PBX3: variants seen among roughly 807,000 people sequenced by gnomAD.
The protein encoded by PBX3 is pre-B-cell leukemia transcription factor 3.
Under a neutral mutation model 48.5 loss-of-function variants are expected in PBX3, and 14 were observed. The observed-to-expected ratio is 0.29, with a 90% CI of 0.19 to 0.45. The LOEUF is 0.45. Among genes scored for constraint, PBX3 ranks in the 20% least tolerant of loss-of-function variants. PBX3 has a pLI of 1.00. For synonymous variants in PBX3, 210 were observed against 200.3 expected, an observed-to-expected ratio of 1.05 and a Z score of -0.41; for missense variants, 386 against 546.7, an observed-to-expected ratio of 0.71 and a Z score of 2.93.
At chr9:125,909,894 CCTT>C (rs944482842) in intron 2 of PBX3, among the ~76,000 whole-genome samples, 2 of 152,084 alleles carry the variant, frequency 1.3e-5, no homozygotes, top group Non-Finnish European at 2.9e-5. Context: ...TAGCTGCCTG[CCTT>C]CTTGAGTGAG....
At chr9:125,748,287 G>A (rs1036578183) in intron 1 of PBX3, 1 of 1,085,662 alleles carries the variant, frequency 9.2e-7, no homozygotes, top group Non-Finnish European at 1.1e-6. Context: ...GGCTCCCCGC[G>A]CGGGTTCGCG....
intron 2 of PBX3, among the ~76,000 whole-genome samples, chr9:125,801,002 C>T (rs932796222): frequency 1.3e-5 from 2 of 152,114 alleles, no homozygotes; most frequent in Admixed American, 6.5e-5. Flanking sequence ...ATCCTCCCTC[C>T]TTGGCCCCCC....
At chr9:125,883,997 A>G (rs931049320) in intron 2 of PBX3, among the ~76,000 whole-genome samples, 3 of 152,320 alleles carry the variant, frequency 2.0e-5, no homozygotes, top group African/African-American at 4.8e-5. Context: ...GGCAGCTTTC[A>G]TAAGACATTT....
intron 2 of PBX3, among the ~76,000 whole-genome samples, chr9:125,840,439 C>A (rs936675998): frequency 2.0e-5 from 3 of 151,228 alleles, no homozygotes; most frequent in Non-Finnish European, 4.4e-5. Context: ...TTTTTTCTGG[C>A]CTTTTCTGCT....
chr9:125,856,474 T>C (rs1839726555), intron 2 of PBX3, among the ~76,000 whole-genome samples: 2 of 152,326 alleles, frequency 1.3e-5, no homozygotes, highest in South Asian at 2.1e-4. Flanking sequence ...GGACTGGCCT[T>C]GCATCTGTAT....
At chr9:125,812,198 T>G (rs572795818) in intron 2 of PBX3, among the ~76,000 whole-genome samples, 1 of 152,288 alleles carries the variant, frequency 6.6e-6, no homozygotes, top group Non-Finnish European at 1.5e-5. Context: ...TTTAACAGCC[T>G]AAACATACCA....
At chr9:125,901,354 A>G (rs1482697198) in intron 2 of PBX3, among the ~76,000 whole-genome samples, 3 of 151,736 alleles carry the variant, frequency 2.0e-5, no homozygotes, top group African/African-American at 7.3e-5. Context: ...CTGAATGAGT[A>G]TAGGTATTTT....
At chr9:125,899,432 T>TACAA in intron 2 of PBX3, among the ~76,000 whole-genome samples, 1 of 114,976 alleles carries the variant, frequency 8.7e-6, no homozygotes, top group African/African-American at 3.5e-5. Flanking sequence ...TATGTCTATA[T>TACAA]ATATGTGTGT....
At chr9:125,764,502 G>A (rs1385378842) in intron 2 of PBX3, among the ~76,000 whole-genome samples, 3 of 152,156 alleles carry the variant, frequency 2.0e-5, no homozygotes, top group Non-Finnish European at 2.9e-5. Context: ...CTAGTAGCTG[G>A]TTCATATTTT....
intron 2 of PBX3, among the ~76,000 whole-genome samples, chr9:125,864,132 A>T (rs181466801): frequency 3.5e-4 from 53 of 152,362 alleles, no homozygotes; most frequent in African/African-American, 1.3e-3. Flanking sequence ...GAGCATTTAA[A>T]ATGATGATAT....
intron 2 of PBX3, among the ~76,000 whole-genome samples, chr9:125,847,766 G>C (rs548665720): frequency 6.6e-6 from 1 of 150,636 alleles, no homozygotes; most frequent in South Asian, 2.1e-4. Flanking sequence ...ATATGGTCTA[G>C]GGACTGAATC....
In PBX3 at chr9:125,962,947, C is replaced by G. The variant is rs938796204; in HGVS notation, c.1123-65C>G. 3.7e-6 allele frequency: 3 copies of G among 812,340 alleles called. No homozygotes were observed. The African/African-American group carries it at 5.1e-5, about 14-fold the overall frequency. The allele number at this position is 812,340 out of a possible 1,614,324, so 50.3% of individuals were successfully genotyped here. ...GTGGCACACATAATTCAAATTATTTCCTTTTGTAAGTGATGACGTTTTAAT... is the reference window on the plus strand; with the variant it reads ...GTGGCACACATAATTCAAATTATTTGCTTTTGTAAGTGATGACGTTTTAAT... On this transcript the variant is annotated intron_variant, in intron 7 of 8. Transcript: ENST00000373489.
intron 2 of PBX3, among the ~76,000 whole-genome samples, chr9:125,910,071 G>T (rs72752649): frequency 3.3e-5 from 5 of 152,226 alleles, no homozygotes; most frequent in African/African-American, 1.2e-4. Flanking sequence ...GCATTATGGG[G>T]AATCTTTCTA....
Position 125,872,255 on chromosome 9 carries a change from CAT to C in PBX3, c.275-43430_275-43429del, listed in dbSNP as rs1840142498. Among the ~76,000 whole-genome samples, 3 of 152,132 alleles carry C rather than the reference CAT, an allele frequency of 2.0e-5. No individual in the cohort carries two copies. The South Asian group carries it at 6.2e-4, about 32-fold the overall frequency. Reference sequence around the variant, plus strand: ...AATCTACATATATCTTACCACAGCACATGTTAAAGGATTTTAAAAGATTGCAA... The same window carrying C: ...AATCTACATATATCTTACCACAGCACGTTAAAGGATTTTAAAAGATTGCAA... On this transcript the variant is annotated intron_variant, in intron 2 of 8. Coordinates refer to ENST00000373489, the MANE Select transcript of PBX3 (RefSeq NM_006195.6).
chr9:125,910,225 A>G (rs1051540239), intron 2 of PBX3, among the ~76,000 whole-genome samples: 11 of 152,142 alleles, frequency 7.2e-5, no homozygotes, highest in Non-Finnish European at 1.2e-4. Context: ...AATCATTTTT[A>G]TTCCTCTGAT....
At chr9:125,924,597 T>A (rs1255597987) in intron 3 of PBX3, among the ~76,000 whole-genome samples, 5 of 152,258 alleles carry the variant, frequency 3.3e-5, no homozygotes, top group Non-Finnish European at 7.3e-5. Context: ...CTTGTACCTA[T>A]GTGTGCTTTT....
At chr9:125,840,706 C>T (rs1839266418) in intron 2 of PBX3, among the ~76,000 whole-genome samples, 1 of 151,834 alleles carries the variant, frequency 6.6e-6, no homozygotes, top group South Asian at 2.1e-4. Context: ...TGCTATATGT[C>T]TTTTGGGAAG....
chr9:125,799,366 G>A (rs1837873585), intron 2 of PBX3, among the ~76,000 whole-genome samples: 1 of 152,132 alleles, frequency 6.6e-6, no homozygotes, highest in Admixed American at 6.6e-5. Context: ...TTATCTGGGT[G>A]TGGTGGCGTG....
At position 125,962,993 on chromosome 9, in the gene PBX3, T is replaced by C. The variant is rs1842460973; in HGVS notation, c.1123-19T>C. 1 of 1,438,792 alleles carries C rather than the reference T, an allele frequency of 7.0e-7. No homozygotes were observed. The highest frequency in any genetic ancestry group is 9.7e-7 in the Non-Finnish European group (1 of 1,029,780). 89.1% of individuals were successfully genotyped at this position (1,438,792 alleles called of 1,614,324 possible). On this transcript the variant is annotated intron_variant, in intron 7 of 8. Coordinates refer to ENST00000373489, the MANE Select transcript of PBX3 (RefSeq NM_006195.6). ...TTAATAGATTTGGGATGATGAATTT[T>C]GTTTTGTCTCACTTCTAGGTGGATA...
Sources: gnomAD v4.1 joint callset for allele counts (sites outside exome capture counted in the v4.1 genomes callset) on GRCh38, gnomAD v4.1.1 for gene constraint, MANE v1.5 for transcripts, NCBI Gene and HGNC (gene_info 2026-07-23, HGNC 2026-07-21) for gene names.